The following GPC5 variants were observed in gnomAD, a reference collection of about 807,000 sequenced individuals.
GPC5 encodes glypican-5.
GPC5 carries 47 observed loss-of-function variants against 53.9 expected under a neutral mutation model. The ratio of observed to expected loss-of-function variants is 0.87; its 90% CI spans 0.69 to 1.11. The LOEUF is 1.11. Among genes scored for constraint, GPC5 ranks in the 50% most tolerant of loss-of-function variants. The pLI is 0.00. For synonymous variants in GPC5, 286 were observed against 263.3 expected (o/e 1.09, Z -0.84); for missense variants, 748 against 713.1 (o/e 1.05, Z -0.56).
At chr13:92,027,287 G>A (rs1457813708) in intron 6 of GPC5, among the ~76,000 whole-genome samples, 1 of 152,124 alleles carries the variant, frequency 6.6e-6, no homozygotes, top group Non-Finnish European at 1.5e-5. Flanking sequence ...AAAACTGCCT[G>A]TACATTGTAC....
intron 7 of GPC5, among the ~76,000 whole-genome samples, chr13:92,342,991 A>G (rs2043380022): frequency 6.6e-6 from 1 of 152,160 alleles, no homozygotes; most frequent in South Asian, 2.1e-4. Context: ...CACCATCTAC[A>G]ACTTAAGATA....
chr13:92,269,603 T>C (rs1486787268), intron 7 of GPC5, among the ~76,000 whole-genome samples: 1 of 152,130 alleles, frequency 6.6e-6, no homozygotes, highest in East Asian at 1.9e-4. Flanking sequence ...AGACGGGATT[T>C]CACCATGTTA....
At chr13:92,339,803 A>G (rs1346288577) in intron 7 of GPC5, 2 of 152,156 alleles carry the variant, frequency 1.3e-5, no homozygotes, top group African/African-American at 4.8e-5. Context: ...ATAGTTTAAT[A>G]TAACAATTTT....
At chr13:91,548,375 A>T (rs1476881676) in intron 2 of GPC5, among the ~76,000 whole-genome samples, 1 of 152,206 alleles carries the variant, frequency 6.6e-6, no homozygotes, top group Non-Finnish European at 1.5e-5. Context: ...ATCAGCACCA[A>T]AAGTGAAATA....
chr13:91,571,436 G>A (rs960917141), intron 2 of GPC5, among the ~76,000 whole-genome samples: 1 of 152,166 alleles, frequency 6.6e-6, no homozygotes, highest in Non-Finnish European at 1.5e-5. Context: ...GTCTTGCCAA[G>A]TAAGGATGCC....
intron 7 of GPC5, among the ~76,000 whole-genome samples, chr13:92,558,163 G>T (rs1265456597): frequency 6.6e-6 from 1 of 151,952 alleles, no homozygotes; most frequent in Non-Finnish European, 1.5e-5. Context: ...GACATCTGTG[G>T]CATAATTGAT....
intron 7 of GPC5, among the ~76,000 whole-genome samples, chr13:92,490,634 G>A (rs769447098): frequency 1.3e-5 from 2 of 152,060 alleles, no homozygotes; most frequent in African/African-American, 4.8e-5. Flanking sequence ...AGTGACTAAC[G>A]TATATAAAAG....
chr13:92,347,866 ATATATATAATATATATTATATATAT>A lies in GPC5; in HGVS notation c.1561+202886_1561+202910del, dbSNP rs2043429065. 2.6e-4 allele frequency among the ~76,000 whole-genome samples: 2 copies of A among 7,670 alleles called. 1 individual carries two copies. The allele number at this position is 7,670 out of a possible 152,430, so 5.0% of individuals were successfully genotyped here. On this transcript the variant is annotated intron_variant, in intron 7 of 7. Coordinates refer to ENST00000377067, the MANE Select transcript of GPC5 (RefSeq NM_004466.6). Reference sequence around the variant, plus strand: ...AGGCTGTTTTATACATATATATATTATATATATAATATATATTATATATATTATATATATAATATATATATAATAT... The same window carrying A: ...AGGCTGTTTTATACATATATATATTATATATATATAATATATATATAATAT...
chr13:91,475,276 A>G (rs947000782), intron 2 of GPC5, among the ~76,000 whole-genome samples: 2 of 152,172 alleles, frequency 1.3e-5, no homozygotes, highest in Non-Finnish European at 2.9e-5. Context: ...TTATACTTAA[A>G]TATATACACT....
At chr13:92,835,232 T>C (rs568732468) in intron 7 of GPC5, among the ~76,000 whole-genome samples, 2 of 152,172 alleles carry the variant, frequency 1.3e-5, no homozygotes, top group African/African-American at 4.8e-5. Flanking sequence ...TGATTTTATA[T>C]AAATTCATAA....
At chr13:92,855,368 G>A (rs901903081) in intron 7 of GPC5, among the ~76,000 whole-genome samples, 11 of 151,876 alleles carry the variant, frequency 7.2e-5, no homozygotes, top group Admixed American at 5.3e-4. Context: ...ATAACATAAA[G>A]TTAATTAAGA....
intron 5 of GPC5, among the ~76,000 whole-genome samples, chr13:91,761,564 T>A: frequency 6.6e-6 from 1 of 152,132 alleles, no homozygotes; most frequent in East Asian, 1.9e-4. Flanking sequence ...CAACCCCCTC[T>A]TTGGGTTCAA....
intron 5 of GPC5, among the ~76,000 whole-genome samples, chr13:91,851,172 A>G (rs1396669874): frequency 1.3e-5 from 2 of 152,202 alleles, no homozygotes; most frequent in Non-Finnish European, 2.9e-5. Context: ...CAGAAAAAAG[A>G]CTTTAAACAC....
intron 7 of GPC5, among the ~76,000 whole-genome samples, chr13:92,421,698 CAAAAA>C (rs34055682): frequency 1.7e-4 from 12 of 69,484 alleles, no homozygotes; most frequent in Middle Eastern, 0.021. Context: ...GACTCCGTCT[CAAAAA>C]AAAAAAAAAA....
chr13:92,523,246 T>C (rs1249999416), intron 7 of GPC5, among the ~76,000 whole-genome samples: 2 of 152,132 alleles, frequency 1.3e-5, no homozygotes, highest in Non-Finnish European at 2.9e-5. Flanking sequence ...CAAAGATAAG[T>C]AACACCTTTT....
intron 7 of GPC5, among the ~76,000 whole-genome samples, chr13:92,798,859 C>T (rs572904557): frequency 5.3e-5 from 8 of 151,898 alleles, no homozygotes; most frequent in Non-Finnish European, 7.4e-5. Context: ...GACTGCTGTA[C>T]GAAAACTCTA....
intron 6 of GPC5, among the ~76,000 whole-genome samples, chr13:91,938,820 A>G (rs1196477662): frequency 6.6e-6 from 1 of 152,172 alleles, no homozygotes; most frequent in East Asian, 1.9e-4. Flanking sequence ...ACATATTGGT[A>G]TACATTGGGC....
chr13:91,629,814 G>A (rs1213882728), intron 2 of GPC5, among the ~76,000 whole-genome samples: 1 of 152,014 alleles, frequency 6.6e-6, no homozygotes, highest in African/African-American at 2.4e-5. Flanking sequence ...GTGGGAAAAT[G>A]GTACATTCAT....
intron 7 of GPC5, among the ~76,000 whole-genome samples, chr13:92,282,493 G>A (rs1280552105): frequency 2.6e-5 from 4 of 152,162 alleles, no homozygotes; most frequent in Non-Finnish European, 4.4e-5. Context: ...AGGGCAGCAA[G>A]AGAGAAAGGT....
Sources: gnomAD v4.1 joint callset for allele counts (sites outside exome capture counted in the v4.1 genomes callset) on GRCh38, gnomAD v4.1.1 for gene constraint, MANE v1.5 for transcripts, NCBI Gene and HGNC (gene_info 2026-07-23, HGNC 2026-07-21) for gene names.